The following BAZ1A variants were observed in gnomAD, a reference collection of about 807,000 sequenced individuals.
The protein encoded by BAZ1A is bromodomain adjacent to zinc finger domain 1A, also known as bromodomain adjacent to zinc finger domain protein 1A.
In BAZ1A, 50 loss-of-function variants were observed where a neutral mutation model predicts 185.2. That is an observed-to-expected ratio of 0.27 (90% CI 0.22 to 0.34). The LOEUF (loss-of-function observed/expected upper bound fraction) is 0.34, where lower values mean the gene tolerates loss of function less well. Among genes scored for constraint, BAZ1A ranks in the 10% least tolerant of loss-of-function variants. BAZ1A has a pLI of 1.00. For missense variants in BAZ1A, 1,356 were observed against 1,839.9 expected (o/e 0.74, Z 4.81); for synonymous variants, 571 against 615.6 (o/e 0.93, Z 1.07).
chr14:34,813,132 C>A (rs571628134), intron 4 of BAZ1A, among the ~76,000 whole-genome samples: 16 of 152,128 alleles, frequency 1.1e-4, no homozygotes, highest in Non-Finnish European at 2.2e-4. Flanking sequence ...CCTGTAATTG[C>A]AGCACTTTGT....
intron 20 of BAZ1A, 41 bp from the exon 21 acceptor site, chr14:34,771,700 A>G (rs749673961): frequency 2.5e-6 from 4 of 1,580,378 alleles, no homozygotes; most frequent in Non-Finnish European, 1.7e-6. Flanking sequence ...ACTTAAAAAC[A>G]CTATTAGGTA....
intron 4 of BAZ1A, among the ~76,000 whole-genome samples, chr14:34,814,199 T>C (rs1288284395): frequency 1.3e-5 from 2 of 151,902 alleles, no homozygotes; most frequent in Non-Finnish European, 2.9e-5. Context: ...TTATAAGAGC[T>C]TGATCAAGTA....
In BAZ1A at chr14:34,761,808, A is replaced by T. The variant is rs1231082521; in HGVS notation, c.4192T>A (p.Ser1398Thr). ...CTTTTGGATTCACTCTCTTGGAGAGAAAGTTTTGAAGCAATATTTACAGAT... is the reference window on the plus strand; with the variant it reads ...CTTTTGGATTCACTCTCTTGGAGAGTAAGTTTTGAAGCAATATTTACAGAT... ...SRSVNIASKL[S>T]LQESESKRRC... The change falls in exon 24 of 27, where the codon TCT (serine) becomes ACT (threonine). Residue 1398 changes from serine to threonine, a missense_variant. Physicochemically the swap from Ser to Thr is moderately conservative, Grantham distance 58 (BLOSUM62 1). Coordinates refer to ENST00000360310, the MANE Select transcript of BAZ1A (RefSeq NM_013448.3). The T allele has an allele frequency of 1.1e-5, 18 of 1,614,138 alleles. No individual in the cohort carries two copies. The highest frequency in any genetic ancestry group is 1.5e-5 in the Non-Finnish European group (18 of 1,180,016).
chr14:34,843,116 GGC>G (rs1190433173), intron 3 of BAZ1A, among the ~76,000 whole-genome samples: 1 of 137,464 alleles, frequency 7.3e-6, no homozygotes, highest in African/African-American at 2.5e-5. Context: ...ACTAGGGACT[GGC>G]TAAAAAAAAA....
intron 3 of BAZ1A, among the ~76,000 whole-genome samples, chr14:34,834,763 C>T (rs2042302034): frequency 1.3e-5 from 2 of 152,244 alleles, no homozygotes; most frequent in East Asian, 1.9e-4. Flanking sequence ...TTCACAGCTA[C>T]TTGCTACCAT....
intron 4 of BAZ1A, among the ~76,000 whole-genome samples, chr14:34,820,098 T>G (rs2042063716): frequency 6.6e-6 from 1 of 151,624 alleles, no homozygotes; most frequent in African/African-American, 2.4e-5. Flanking sequence ...TCAGATCTTT[T>G]GCCATTTTTT....
At chr14:34,865,081 A>AT (rs1180596810) in intron 2 of BAZ1A, among the ~76,000 whole-genome samples, 56 of 151,838 alleles carry the variant, frequency 3.7e-4, no homozygotes, top group Non-Finnish European at 7.1e-4. Flanking sequence ...CAGCCAATAT[A>AT]ATTTTTTTTA....
At chr14:34,843,939 C>T (rs1217786927) in intron 3 of BAZ1A, among the ~76,000 whole-genome samples, 5 of 152,114 alleles carry the variant, frequency 3.3e-5, no homozygotes, top group Admixed American at 2.0e-4. Flanking sequence ...GGCGCGGTGG[C>T]TCACGCCTGT....
intron 10 of BAZ1A, among the ~76,000 whole-genome samples, chr14:34,795,119 C>T (rs1220429390): frequency 6.6e-6 from 1 of 152,152 alleles, no homozygotes; most frequent in Non-Finnish European, 1.5e-5. Flanking sequence ...GAGAAAGGAA[C>T]ATTTTCTTCC....
At position 34,806,409 on chromosome 14, in the gene BAZ1A, C is replaced by T. The variant is rs61981239; in HGVS notation, c.726+1042G>A. On this transcript the variant is annotated intron_variant, in intron 6 of 26. Transcript: ENST00000360310. The stretch of plus-strand genomic sequence containing the variant: ...TACTTTATCACCCAGGTTTTAAGCA[C>T]GTGCCCATTAGTTATTTTTTCCCAT... 5.1e-3 allele frequency among the ~76,000 whole-genome samples: 779 copies of T among 152,102 alleles called. 3 individuals carry two copies. The highest frequency in any genetic ancestry group is 8.6e-3 in the Non-Finnish European group (582 of 67,996).
At chr14:34,857,077 G>A (rs188748453) in intron 3 of BAZ1A, among the ~76,000 whole-genome samples, 1 of 150,412 alleles carries the variant, frequency 6.6e-6, no homozygotes. Flanking sequence ...CGCAATCTCG[G>A]CTCACTGCAA....
intron 3 of BAZ1A, among the ~76,000 whole-genome samples, chr14:34,840,755 TC>T (rs1046844149): frequency 7.0e-6 from 1 of 142,144 alleles, no homozygotes; most frequent in Non-Finnish European, 1.5e-5. Context: ...AGACTCTGTC[TC>T]CCCCCCAAAA....
intron 25 of BAZ1A, among the ~76,000 whole-genome samples, chr14:34,755,743 T>TAA (rs1886211786): frequency 6.6e-6 from 1 of 151,928 alleles, no homozygotes; most frequent in East Asian, 1.9e-4. Flanking sequence ...TATATATATA[T>TAA]AACCTAACTA....
At chr14:34,846,006 A>G (rs1318770393) in intron 3 of BAZ1A, among the ~76,000 whole-genome samples, 1 of 152,194 alleles carries the variant, frequency 6.6e-6, no homozygotes, top group African/African-American at 2.4e-5. Flanking sequence ...TGTAGTAACC[A>G]TGTAGATATG....
chr14:34,794,078 G>A (rs925301957), intron 11 of BAZ1A, among the ~76,000 whole-genome samples: 1 of 152,144 alleles, frequency 6.6e-6, no homozygotes, highest in Non-Finnish European at 1.5e-5. Flanking sequence ...CTTGCAGTGA[G>A]CCGAGATTGC....
chr14:34,799,972 A>G (rs562764759), intron 9 of BAZ1A, among the ~76,000 whole-genome samples: 111 of 152,172 alleles, frequency 7.3e-4, no homozygotes, highest in Non-Finnish European at 1.4e-3. Flanking sequence ...TTTTACATAT[A>G]TCATCTTCCC....
chr14:34,828,690 T>C (rs564978560), intron 3 of BAZ1A: 2 of 152,346 alleles, frequency 1.3e-5, no homozygotes, highest in African/African-American at 2.4e-5. Flanking sequence ...CCCGTTGCAT[T>C]GTATTTCTCC....
chr14:34,757,903 C>G (rs568322023), intron 25 of BAZ1A, among the ~76,000 whole-genome samples: 4 of 150,808 alleles, frequency 2.7e-5, no homozygotes, highest in Admixed American at 1.3e-4. Flanking sequence ...CCTGCCACCA[C>G]GCCTGGCTAA....
At chr14:34,863,422 C>T (rs1199503818) in intron 2 of BAZ1A, among the ~76,000 whole-genome samples, 1 of 151,962 alleles carries the variant, frequency 6.6e-6, no homozygotes, top group Non-Finnish European at 1.5e-5. Flanking sequence ...CTCAACCTCC[C>T]AAAGTGCTGG....
Sources: allele counts gnomAD v4.1 joint callset (sites outside exome capture counted in the v4.1 genomes callset), GRCh38; gene constraint gnomAD v4.1.1; transcripts MANE v1.5; gene names NCBI Gene and HGNC (gene_info 2026-07-23, HGNC 2026-07-21).